KIAA1328: variants seen among roughly 807,000 people sequenced by gnomAD.
KIAA1328 encodes KIAA1328.
KIAA1328 carries 52 observed loss-of-function variants against 68.1 expected under a neutral mutation model. That is an observed-to-expected ratio of 0.76 (90% CI 0.61 to 0.96). The LOEUF (loss-of-function observed/expected upper bound fraction) is 0.96, where lower values mean the gene tolerates loss of function less well. Ranked by LOEUF, KIAA1328 falls within the 40% of genes least tolerant of loss-of-function variation. The pLI, the probability that KIAA1328 is intolerant of heterozygous loss-of-function variation, is 0.00. For synonymous variants in KIAA1328, 232 were observed against 239.4 expected (o/e 0.97, Z 0.28); for missense variants, 641 against 677.6 (o/e 0.95, Z 0.60).
At chr18:36,893,596 A>G (rs2048774823) in intron 5 of KIAA1328, among the ~76,000 whole-genome samples, 1 of 152,014 alleles carries the variant, frequency 6.6e-6, no homozygotes, top group South Asian at 2.1e-4. Flanking sequence ...TGCTAAGATT[A>G]CAGACATGAG....
At chr18:37,182,616 C>T (rs1384835593) in intron 9 of KIAA1328, among the ~76,000 whole-genome samples, 1 of 152,048 alleles carries the variant, frequency 6.6e-6, no homozygotes. Flanking sequence ...TTGGACCTTG[C>T]TCTTGTGATT....
chr18:37,034,008 AT>A (rs1176283997), intron 6 of KIAA1328, among the ~76,000 whole-genome samples: 1 of 152,142 alleles, frequency 6.6e-6, no homozygotes, highest in Non-Finnish European at 1.5e-5. Flanking sequence ...TAATTTTCTA[AT>A]TTTTTCTCCT....
intron 5 of KIAA1328, among the ~76,000 whole-genome samples, chr18:36,927,278 G>A (rs1158029362): frequency 6.6e-6 from 1 of 152,150 alleles, no homozygotes; most frequent in Non-Finnish European, 1.5e-5. Context: ...GGGTATATGG[G>A]AACTGTCTGT....
At chr18:37,101,622 A>G (rs952966491) in intron 7 of KIAA1328, among the ~76,000 whole-genome samples, 4 of 152,228 alleles carry the variant, frequency 2.6e-5, no homozygotes, top group African/African-American at 9.6e-5. Flanking sequence ...AACTTCCCCA[A>G]TCTAGCAAGG....
intron 4 of KIAA1328, among the ~76,000 whole-genome samples, chr18:36,860,741 C>T (rs1488970701): frequency 6.6e-6 from 1 of 151,966 alleles, no homozygotes; most frequent in African/African-American, 2.4e-5. Flanking sequence ...GTAAAAATAT[C>T]ACAGGGTGAG....
chr18:37,203,125 G>T (rs571070949), intron 9 of KIAA1328, among the ~76,000 whole-genome samples: 7 of 150,124 alleles, frequency 4.7e-5, no homozygotes, highest in African/African-American at 1.7e-4. Context: ...AATGCTGTAT[G>T]AAAATCATAT....
At chr18:36,857,369 A>G (rs76249863) in intron 4 of KIAA1328, among the ~76,000 whole-genome samples, 3,136 of 152,294 alleles carry the variant, frequency 0.021, 57 homozygotes, top group Non-Finnish European at 0.035. Context: ...TTGACAGACA[A>G]TGCTTGGAAA....
chr18:37,195,617 A>G (rs1032716886), intron 9 of KIAA1328, among the ~76,000 whole-genome samples: 2 of 151,996 alleles, frequency 1.3e-5, no homozygotes, highest in African/African-American at 4.8e-5. Context: ...AAGTGTGTGG[A>G]TTTATTTCTG....
At chr18:36,963,287 A>G (rs147154080) in intron 6 of KIAA1328, among the ~76,000 whole-genome samples, 1 of 152,210 alleles carries the variant, frequency 6.6e-6, no homozygotes, top group African/African-American at 2.4e-5. Context: ...TGTGAAGATC[A>G]GATTTCAGAC....
chr18:36,984,795 A>G (rs2052843311), intron 6 of KIAA1328, among the ~76,000 whole-genome samples: 1 of 151,352 alleles, frequency 6.6e-6, no homozygotes. Context: ...AGTCCCAACT[A>G]CTTAGGAGAC....
At chr18:37,177,461 G>A (rs923354608) in intron 9 of KIAA1328, among the ~76,000 whole-genome samples, 4 of 152,108 alleles carry the variant, frequency 2.6e-5, no homozygotes, top group Non-Finnish European at 4.4e-5. Context: ...TCTACAAACA[G>A]TTACAGCTGG....
At chr18:37,064,975 G>A (rs2056292859) in intron 6 of KIAA1328, among the ~76,000 whole-genome samples, 1 of 152,168 alleles carries the variant, frequency 6.6e-6, no homozygotes, top group South Asian at 2.1e-4. Flanking sequence ...AAGCCACAAA[G>A]TTTGTGCTAA....
At chr18:37,204,558 G>A (rs2060179566) in intron 9 of KIAA1328, among the ~76,000 whole-genome samples, 1 of 152,168 alleles carries the variant, frequency 6.6e-6, no homozygotes, top group Non-Finnish European at 1.5e-5. Flanking sequence ...CTGTGCATTT[G>A]TAAATGGAAC....
chr18:36,932,695 C>CATA (rs1265138189), intron 5 of KIAA1328, among the ~76,000 whole-genome samples: 2 of 152,170 alleles, frequency 1.3e-5, no homozygotes, highest in Non-Finnish European at 2.9e-5. Flanking sequence ...TAAGAAGTCT[C>CATA]CAAAACTCTC....
chr18:37,177,459 C>A (rs1408845871), intron 9 of KIAA1328, among the ~76,000 whole-genome samples: 1 of 152,112 alleles, frequency 6.6e-6, no homozygotes, highest in Non-Finnish European at 1.5e-5. Flanking sequence ...CTTCTACAAA[C>A]AGTTACAGCT....
intron 7 of KIAA1328, among the ~76,000 whole-genome samples, chr18:37,074,566 T>A (rs2056646220): frequency 6.6e-6 from 1 of 152,186 alleles, no homozygotes; most frequent in South Asian, 2.1e-4. Context: ...CTGATACCCT[T>A]TCTTCCAGTT....
intron 5 of KIAA1328, among the ~76,000 whole-genome samples, chr18:36,899,888 G>A (rs1266081019): frequency 6.6e-6 from 1 of 151,752 alleles, no homozygotes; most frequent in African/African-American, 2.4e-5. Flanking sequence ...TTAATATCTT[G>A]TATTAATATT....
intron 4 of KIAA1328, among the ~76,000 whole-genome samples, chr18:36,867,184 G>T (rs1352648449): frequency 6.6e-6 from 1 of 152,152 alleles, no homozygotes; most frequent in Non-Finnish European, 1.5e-5. Context: ...CATCCTCTTT[G>T]TGCTATTCTT....
At chr18:36,852,705 G>A (rs1464749742) in intron 4 of KIAA1328, among the ~76,000 whole-genome samples, 1 of 151,978 alleles carries the variant, frequency 6.6e-6, no homozygotes, top group Non-Finnish European at 1.5e-5. Flanking sequence ...TTTGTTTTTT[G>A]TTATCATTTC....
Sources: gnomAD v4.1 joint callset for allele counts (sites outside exome capture counted in the v4.1 genomes callset) on GRCh38, gnomAD v4.1.1 for gene constraint, MANE v1.5 for transcripts, NCBI Gene and HGNC (gene_info 2026-07-23, HGNC 2026-07-21) for gene names.